IGF2BP1: variants seen among roughly 807,000 people sequenced by gnomAD.
IGF2BP1 encodes insulin like growth factor 2 mRNA binding protein 1.
IGF2BP1 carries 11 observed loss-of-function variants against 74.9 expected under a neutral mutation model. That is an observed-to-expected ratio of 0.15 (90% confidence interval 0.09 to 0.24). The LOEUF is 0.24. IGF2BP1 is among the 10% of genes least tolerant of loss of function. IGF2BP1 has a pLI of 1.00. For synonymous variants in IGF2BP1, 287 were observed against 281.8 expected (o/e 1.02, Z -0.18); for missense variants, 440 against 757.4 (o/e 0.58, Z 4.92).
chr17:49,016,539 C>T (rs2041705908), intron 2 of IGF2BP1, among the ~76,000 whole-genome samples: 2 of 152,116 alleles, frequency 1.3e-5, no homozygotes, highest in South Asian at 4.1e-4. Flanking sequence ...CTCTTGGTGA[C>T]CTGCTTTTCC....
At chr17:49,005,789 C>T (rs995919716) in intron 2 of IGF2BP1, among the ~76,000 whole-genome samples, 2 of 151,776 alleles carry the variant, frequency 1.3e-5, no homozygotes, top group African/African-American at 4.8e-5. Flanking sequence ...AGGACAGGCA[C>T]GGTGGCTCAC....
intron 9 of IGF2BP1, among the ~76,000 whole-genome samples, 184 bp downstream of exon 9, chr17:49,042,561 T>A (rs2042063587): frequency 6.6e-6 from 1 of 152,212 alleles, no homozygotes; most frequent in Non-Finnish European, 1.5e-5. Flanking sequence ...ATTCTTCACC[T>A]GGTTCCTAGA....
rs759726551 is a variant in IGF2BP1, at chr17:49,044,063, C to A, written c.1297C>A (p.Arg433=). 3.1e-6 allele frequency: 5 copies of A among 1,614,002 alleles called. No homozygotes were observed. Among genetic ancestry groups the A allele is most frequent in the Non-Finnish European group, 4.2e-6 (5 of 1,180,006 alleles). ...KKGQHIKQLS[R]FASASIKIAP... is the part of the protein sequence containing the mutation. ...GGGGCAGCACATCAAACAGCTCTCC[C>A]GGTTTGCCAGCGCCTCCATCAAGGT... is the stretch of plus-strand genomic sequence containing the variant. The change falls in exon 11 of 15, where the codon CGG becomes AGG. Residue 433 remains arginine (R), a synonymous_variant. Coordinates refer to ENST00000290341, the MANE Select transcript of IGF2BP1 (RefSeq NM_006546.4).
intron 2 of IGF2BP1, among the ~76,000 whole-genome samples, chr17:49,013,369 C>G (rs1165035272): frequency 1.3e-5 from 2 of 152,158 alleles, no homozygotes; most frequent in African/African-American, 4.8e-5. Flanking sequence ...TTCCGTGCCC[C>G]CACCCTGCTC....
intron 2 of IGF2BP1, among the ~76,000 whole-genome samples, chr17:49,008,744 C>G (rs992621219): frequency 5.3e-5 from 8 of 152,066 alleles, no homozygotes; most frequent in African/African-American, 1.7e-4. Context: ...CAGTCACTGG[C>G]TGTTTGAAAA....
rs1292660276 is a variant in IGF2BP1 at position 49,055,555 on chromosome 17, GA to G, written c.*6112del. ...GAGCCACTTGTAACATTTCTGTGCA[GA>G]TTTTATGTTAGCCACTGCTATGTAA... On this transcript the variant is annotated 3_prime_UTR_variant, in exon 15 of 15. Coordinates refer to ENST00000290341, the MANE Select transcript of IGF2BP1 (RefSeq NM_006546.4). 2.5e-6 allele frequency: 1 copy of G among 398,038 alleles called. No individual in the cohort carries two copies. The highest frequency in any genetic ancestry group is 4.4e-6 in the Non-Finnish European group (1 of 225,898). 24.7% of individuals were successfully genotyped at this position (398,038 alleles called of 1,614,324 possible).
chr17:48,999,292 T>G, intron 2 of IGF2BP1, 123 bp downstream of exon 2: 42 of 630,324 alleles, frequency 6.7e-5, no homozygotes, highest in Non-Finnish European at 7.4e-5. Flanking sequence ...CACCCCCAAC[T>G]CCGGATGTTG....
chr17:49,048,809 A>G (rs1009727223), intron 14 of IGF2BP1, among the ~76,000 whole-genome samples: 2 of 152,102 alleles, frequency 1.3e-5, no homozygotes, highest in Non-Finnish European at 1.5e-5. Flanking sequence ...AGGGATGCGC[A>G]GTGCATGTGA....
intron 5 of IGF2BP1, among the ~76,000 whole-genome samples, chr17:49,036,161 T>C (rs1490460664): frequency 6.6e-6 from 1 of 152,154 alleles, no homozygotes; most frequent in African/African-American, 2.4e-5. Flanking sequence ...GTAAAATGGC[T>C]GTAATTTTGA....
At chr17:49,048,677 C>G (rs765009109) in intron 14 of IGF2BP1, among the ~76,000 whole-genome samples, 1 of 152,128 alleles carries the variant, frequency 6.6e-6, no homozygotes, top group Admixed American at 6.5e-5. Context: ...GGACTGGTAC[C>G]GGGCCACACA....
chr17:49,014,686 G>A (rs1471807665), intron 2 of IGF2BP1: 8 of 766,838 alleles, frequency 1.0e-5, no homozygotes, highest in African/African-American at 3.8e-5. Flanking sequence ...GGGGAGACGC[G>A]GATCCCTGAG....
intron 2 of IGF2BP1, among the ~76,000 whole-genome samples, chr17:49,010,255 C>CA (rs1333556498): frequency 6.7e-6 from 1 of 149,878 alleles, no homozygotes; most frequent in African/African-American, 2.4e-5. Flanking sequence ...TGCTGTGATT[C>CA]AAAAAATGGC....
chr17:49,034,377 C>T (rs12452834), intron 5 of IGF2BP1, among the ~76,000 whole-genome samples: 36,990 of 151,284 alleles, frequency 0.24, 5,463 homozygotes, highest in Non-Finnish European at 0.33. Context: ...CCTTGGCCTC[C>T]CAAAGTGTTG....
At chr17:49,033,666 T>C (rs1321696904) in intron 5 of IGF2BP1, among the ~76,000 whole-genome samples, 1 of 151,972 alleles carries the variant, frequency 6.6e-6, no homozygotes, top group Non-Finnish European at 1.5e-5. Context: ...TTCTAACCAG[T>C]GTCAGCCTTG....
chr17:48,996,867 G>A (rs2041406521), upstream of IGF2BP1, among the ~76,000 whole-genome samples: 1 of 151,922 alleles, frequency 6.6e-6, no homozygotes, highest in Admixed American at 6.6e-5. Flanking sequence ...GGAAGGCGGA[G>A]ACCCCCCCCA....
chr17:49,009,075 C>T (rs1006162573), intron 2 of IGF2BP1, among the ~76,000 whole-genome samples: 5 of 151,906 alleles, frequency 3.3e-5, no homozygotes, highest in South Asian at 2.1e-4. Flanking sequence ...TTGCCCAGGC[C>T]GGAGTGCTGT....
At chr17:49,028,022 G>A (rs1186997070) in intron 4 of IGF2BP1, among the ~76,000 whole-genome samples, 1 of 151,948 alleles carries the variant, frequency 6.6e-6, no homozygotes, top group African/African-American at 2.4e-5. Context: ...AATTAGCTGG[G>A]AGTGGTGGTA....
At chr17:48,996,703 C>A (rs1325033428), upstream of IGF2BP1, among the ~76,000 whole-genome samples, 1 of 152,182 alleles carries the variant, frequency 6.6e-6, no homozygotes, top group Non-Finnish European at 1.5e-5. Context: ...GGGTGCGAAC[C>A]ACCCTTTCTC....
rs758002909 is a variant in IGF2BP1 at position 49,051,262 on chromosome 17, CAAG to C, written c.*1821_*1823del. On this transcript the variant is annotated 3_prime_UTR_variant, in exon 15 of 15. Coordinates refer to ENST00000290341, the MANE Select transcript of IGF2BP1 (RefSeq NM_006546.4). The stretch of plus-strand genomic sequence containing the variant: ...TTATTTTTTTAATGAAAAGAAAAAA[CAAG>C]AAAGTTATGTTTCATAATTTCTTAC... 3.9e-5 allele frequency: 6 copies of C among 152,562 alleles called. No homozygotes were observed. The East Asian group carries it at 7.7e-4, about 20-fold the overall frequency. 9.5% of individuals were successfully genotyped at this position (152,562 alleles called of 1,614,324 possible). A position where few individuals can be genotyped will look rare whatever the true frequency, so the allele number is the denominator to read the frequency against.
Sources: allele counts gnomAD v4.1 joint callset (sites outside exome capture counted in the v4.1 genomes callset), GRCh38; gene constraint gnomAD v4.1.1; transcripts MANE v1.5; gene names NCBI Gene and HGNC (gene_info 2026-07-23, HGNC 2026-07-21).